The following FHIT variants were observed in gnomAD, a reference collection of about 807,000 sequenced individuals.
FHIT encodes the protein bis(5'-adenosyl)-triphosphatase.
In FHIT, 19 loss-of-function variants were observed where a neutral mutation model predicts 17.9. The observed-to-expected ratio is 1.06, with a 90% CI of 0.74 to 1.56. FHIT has a LOEUF of 1.56. Ranked by LOEUF, FHIT falls within the 40% of genes most tolerant of loss-of-function variation. The probability of loss-of-function intolerance (pLI) is 0.00; values close to 1 mark genes in which losing one functional copy is unlikely to be tolerated. For missense variants in FHIT, 248 were observed against 189.2 expected, an observed-to-expected ratio of 1.31 and a Z score of -1.82; for synonymous variants, 81 against 69.7, an observed-to-expected ratio of 1.16 and a Z score of -0.81.
intron 2 of FHIT, among the ~76,000 whole-genome samples, chr3:61,076,290 A>T (rs1250446032): frequency 7.9e-5 from 12 of 152,312 alleles, no homozygotes; most frequent in African/African-American, 2.9e-4. Context: ...TCCAGAATTC[A>T]TCAGCCCCAA....
chr3:60,450,752 G>T (rs1027991140), intron 5 of FHIT, among the ~76,000 whole-genome samples: 1 of 152,036 alleles, frequency 6.6e-6, no homozygotes, highest in African/African-American at 2.4e-5. Flanking sequence ...AAAGTTGTGT[G>T]CAAGGAGCCA....
chr3:59,859,049 A>G (rs1403116086), intron 8 of FHIT, among the ~76,000 whole-genome samples: 2 of 152,172 alleles, frequency 1.3e-5, no homozygotes, highest in East Asian at 1.9e-4. Context: ...ATCATTCTAC[A>G]CGGACAGGAA....
At chr3:60,546,635 C>T (rs2036375261) in intron 4 of FHIT, among the ~76,000 whole-genome samples, 1 of 152,172 alleles carries the variant, frequency 6.6e-6, no homozygotes, top group South Asian at 2.1e-4. Context: ...GCACCACCTG[C>T]TTCTTTTGAA....
intron 3 of FHIT, among the ~76,000 whole-genome samples, chr3:60,867,160 T>A (rs1704202066): frequency 6.6e-6 from 1 of 152,162 alleles, no homozygotes; most frequent in African/African-American, 2.4e-5. Flanking sequence ...GTGGAATAAA[T>A]TAAATAAAAT....
chr3:60,180,232 T>C (rs536017192), intron 5 of FHIT, among the ~76,000 whole-genome samples: 5 of 152,108 alleles, frequency 3.3e-5, no homozygotes, highest in Non-Finnish European at 7.4e-5. Flanking sequence ...GCAAAGTGAG[T>C]CAAGTTTTAA....
At chr3:60,785,739 C>A (rs1559720645) in intron 4 of FHIT, among the ~76,000 whole-genome samples, 1 of 152,094 alleles carries the variant, frequency 6.6e-6, no homozygotes, top group African/African-American at 2.4e-5. Flanking sequence ...GATTTCAATT[C>A]CACTTAAAGC....
chr3:60,995,298 G>A (rs138267183), intron 3 of FHIT, among the ~76,000 whole-genome samples: 1 of 152,010 alleles, frequency 6.6e-6, no homozygotes, highest in African/African-American at 2.4e-5. Flanking sequence ...CCAGCCTGGG[G>A]GACAGAGCGA....
chr3:60,005,068 A>C (rs1699870973), intron 7 of FHIT, among the ~76,000 whole-genome samples: 3 of 152,252 alleles, frequency 2.0e-5, no homozygotes, highest in African/African-American at 7.2e-5. Flanking sequence ...GAAACCAAGT[A>C]GTCTGGCCCC....
At chr3:60,364,005 T>C (rs1344832740) in intron 5 of FHIT, among the ~76,000 whole-genome samples, 1 of 151,414 alleles carries the variant, frequency 6.6e-6, no homozygotes, top group Non-Finnish European at 1.5e-5. Flanking sequence ...GCTCTGCCGT[T>C]ACTCATCCCA....
chr3:61,107,957 A>G (rs1199037032), intron 2 of FHIT, among the ~76,000 whole-genome samples: 2 of 152,110 alleles, frequency 1.3e-5, no homozygotes, highest in Non-Finnish European at 1.5e-5. Context: ...GTTTGTTTAT[A>G]CCTCCGCTTG....
At chr3:60,694,827 C>T (rs13319932) in intron 4 of FHIT, among the ~76,000 whole-genome samples, 2 of 151,994 alleles carry the variant, frequency 1.3e-5, no homozygotes, top group African/African-American at 4.8e-5. Flanking sequence ...AAAAACCAAA[C>T]ACCACATGTT....
intron 5 of FHIT, among the ~76,000 whole-genome samples, chr3:60,237,070 C>T (rs1704835410): frequency 6.6e-6 from 1 of 152,042 alleles, no homozygotes; most frequent in Admixed American, 6.6e-5. Context: ...CCCATGGTGA[C>T]TAAAATATAT....
intron 7 of FHIT, among the ~76,000 whole-genome samples, chr3:59,979,751 C>G (rs893604575): frequency 6.6e-6 from 1 of 152,052 alleles, no homozygotes; most frequent in African/African-American, 2.4e-5. Context: ...CCCACCCTGC[C>G]CATAAATGAG....
chr3:60,222,173 T>C (rs186520796), intron 5 of FHIT, among the ~76,000 whole-genome samples: 18 of 152,314 alleles, frequency 1.2e-4, no homozygotes, highest in African/African-American at 4.1e-4. Flanking sequence ...AAATTCCATC[T>C]AACAACACAG....
chr3:60,796,637 C>T (rs1205904006), intron 4 of FHIT, among the ~76,000 whole-genome samples: 1 of 152,164 alleles, frequency 6.6e-6, no homozygotes, highest in African/African-American at 2.4e-5. Flanking sequence ...GGCTGGAGTG[C>T]AGTGGCACAA....
chr3:60,618,250 T>C (rs371995303), intron 4 of FHIT, among the ~76,000 whole-genome samples: 2 of 152,292 alleles, frequency 1.3e-5, no homozygotes, highest in East Asian at 3.9e-4. Flanking sequence ...ATGGTTGATA[T>C]GCTCAGGTGC....
chr3:60,078,936 A>C (rs1489226578), intron 5 of FHIT, among the ~76,000 whole-genome samples: 2 of 152,042 alleles, frequency 1.3e-5, no homozygotes, highest in Non-Finnish European at 2.9e-5. Context: ...TTATTTCAGA[A>C]TTAAAAGTTA....
intron 5 of FHIT, among the ~76,000 whole-genome samples, chr3:60,402,460 C>T (rs765643351): frequency 4.6e-5 from 7 of 152,190 alleles, no homozygotes; most frequent in Non-Finnish European, 7.3e-5. Context: ...TAAAACTCCT[C>T]TCAGACCTGG....
chr3:60,734,908 T>C (rs908413764), intron 4 of FHIT, among the ~76,000 whole-genome samples: 1 of 152,202 alleles, frequency 6.6e-6, no homozygotes, highest in Non-Finnish European at 1.5e-5. Context: ...TTTAAATAAA[T>C]AAATTGTTAT....
Sources: allele counts gnomAD v4.1 joint callset (sites outside exome capture counted in the v4.1 genomes callset), GRCh38; gene constraint gnomAD v4.1.1; transcripts MANE v1.5; gene names NCBI Gene and HGNC (gene_info 2026-07-23, HGNC 2026-07-21).